The following SNTG2 variants were observed in gnomAD, a reference collection of about 807,000 sequenced individuals.
SNTG2 encodes the protein gamma-2-syntrophin.
A neutral mutation model predicts 70.9 loss-of-function variants in SNTG2; 74 were observed. The observed-to-expected ratio is 1.04, with a 90% confidence interval of 0.86 to 1.27. SNTG2 has a LOEUF of 1.27. Ranked by LOEUF, SNTG2 falls within the 50% of genes most tolerant of loss-of-function variation. SNTG2 has a pLI of 0.00. For missense variants in SNTG2, 717 were observed against 690.7 expected, an observed-to-expected ratio of 1.04 and a Z score of -0.43; for synonymous variants, 278 against 273.8, an observed-to-expected ratio of 1.02 and a Z score of -0.15.
chr2:1,167,493 A>G (rs1292132439), intron 7 of SNTG2, among the ~76,000 whole-genome samples: 6 of 124,414 alleles, frequency 4.8e-5, no homozygotes, highest in Admixed American at 1.6e-4. Context: ...GAAGCCTAGA[A>G]GCCGCCCACA....
intron 14 of SNTG2, among the ~76,000 whole-genome samples, chr2:1,297,500 C>T (rs1230351868): frequency 2.6e-5 from 4 of 152,146 alleles, no homozygotes; most frequent in Non-Finnish European, 4.4e-5. Context: ...CCCGGCGCCT[C>T]TGCAGCTCCT....
In SNTG2 at chr2:1,255,640, C is replaced by T. The variant is rs371697456; in HGVS notation, c.1006-3730C>T. 7.4e-4 allele frequency among the ~76,000 whole-genome samples: 113 copies of T among 151,824 alleles called. 1 individual carries two copies. The highest frequency in any genetic ancestry group is 4.3e-3 in the East Asian group (22 of 5,148). On this transcript the variant is annotated intron_variant, in intron 12 of 16. Coordinates refer to ENST00000308624, the MANE Select transcript of SNTG2 (RefSeq NM_018968.4). The stretch of plus-strand genomic sequence containing the variant: ...CGCAGGAATCTGCATCGGCAGGTGA[C>T]GCCTGGCCACACTCAGGCATGGCAC...
chr2:1,350,820 G>T (rs1054971354), intron 16 of SNTG2, among the ~76,000 whole-genome samples: 1 of 152,126 alleles, frequency 6.6e-6, no homozygotes, highest in African/African-American at 2.4e-5. Flanking sequence ...AGGCTATAAT[G>T]ACTAGCCTTA....
At chr2:1,236,314 A>T (rs1407319136) in intron 9 of SNTG2, among the ~76,000 whole-genome samples, 2 of 152,262 alleles carry the variant, frequency 1.3e-5, no homozygotes, top group Non-Finnish European at 2.9e-5. Context: ...AAATTAATTT[A>T]TTATAGCAGA....
At chr2:1,281,204 GT>G (rs1679497520) in intron 14 of SNTG2, among the ~76,000 whole-genome samples, 1 of 150,136 alleles carries the variant, frequency 6.7e-6, no homozygotes, top group African/African-American at 2.4e-5. Context: ...TGTATGTGGT[GT>G]GTGGTGTGTG....
intron 8 of SNTG2, among the ~76,000 whole-genome samples, chr2:1,189,782 C>T (rs1013597291): frequency 6.6e-5 from 10 of 152,044 alleles, no homozygotes; most frequent in Admixed American, 3.3e-4. Flanking sequence ...CTCTTGACCT[C>T]GTGATCCACC....
At chr2:1,294,038 C>A (rs1053037840) in intron 14 of SNTG2, among the ~76,000 whole-genome samples, 20 of 152,212 alleles carry the variant, frequency 1.3e-4, no homozygotes, top group African/African-American at 4.8e-4. Context: ...CCACCATAGC[C>A]TCTTAGCTGA....
At chr2:955,477 T>C (rs1660110609) in intron 1 of SNTG2, among the ~76,000 whole-genome samples, 1 of 152,254 alleles carries the variant, frequency 6.6e-6, no homozygotes, top group Admixed American at 6.5e-5. Flanking sequence ...AGACAAACTT[T>C]CTTCTTGTAC....
At chr2:1,239,679 A>C (rs978931739) in intron 10 of SNTG2, 59 bp from the exon 11 acceptor site, 1 of 1,581,400 alleles carries the variant, frequency 6.3e-7, no homozygotes, top group African/African-American at 1.3e-5. Context: ...GCTGTCACTC[A>C]GGTGAGCCAT....
intron 16 of SNTG2, among the ~76,000 whole-genome samples, chr2:1,355,693 A>C (rs934690669): frequency 2.6e-5 from 4 of 152,154 alleles, no homozygotes; most frequent in African/African-American, 7.2e-5. Context: ...TTTTCCTCGG[A>C]TGCATTCCTA....
chr2:1,135,116 G>A (rs963238901), intron 4 of SNTG2, among the ~76,000 whole-genome samples: 1 of 152,090 alleles, frequency 6.6e-6, no homozygotes, highest in Non-Finnish European at 1.5e-5. Context: ...GTCTGGAGGC[G>A]GCTTCTGACC....
intron 8 of SNTG2, among the ~76,000 whole-genome samples, chr2:1,193,884 A>C (rs1672746532): frequency 6.6e-6 from 1 of 152,210 alleles, no homozygotes; most frequent in Admixed American, 6.5e-5. Flanking sequence ...TGTTATTAAG[A>C]CCTTGATTTG....
chr2:1,231,215 T>C (rs1236823668), intron 9 of SNTG2, among the ~76,000 whole-genome samples: 6 of 151,698 alleles, frequency 4.0e-5, no homozygotes, highest in Admixed American at 2.6e-4. Context: ...ATCTGAAAGG[T>C]GACCTACTTA....
At chr2:1,237,306 T>C (rs1431126331) in intron 9 of SNTG2, among the ~76,000 whole-genome samples, 2 of 152,188 alleles carry the variant, frequency 1.3e-5, no homozygotes, top group Non-Finnish European at 2.9e-5. Context: ...CTTTTGCAAA[T>C]AGGCATATGT....
chr2:1,079,156 G>A (rs368428311), intron 1 of SNTG2, among the ~76,000 whole-genome samples: 10 of 152,184 alleles, frequency 6.6e-5, no homozygotes, highest in Non-Finnish European at 8.8e-5. Context: ...AGCGGAACCC[G>A]CGTCCCCTCT....
At chr2:1,245,033 A>T (rs888084937) in intron 11 of SNTG2, among the ~76,000 whole-genome samples, 3 of 149,768 alleles carry the variant, frequency 2.0e-5, no homozygotes, top group Non-Finnish European at 4.4e-5. Context: ...AAAAAACCAA[A>T]CACCGCATGT....
At chr2:1,242,556 T>C (rs1677119519) in intron 11 of SNTG2, among the ~76,000 whole-genome samples, 1 of 152,192 alleles carries the variant, frequency 6.6e-6, no homozygotes, top group Non-Finnish European at 1.5e-5. Context: ...CCAAGATAAC[T>C]GCAAACAAAC....
chr2:987,770 G>A (rs1661371690), intron 1 of SNTG2, among the ~76,000 whole-genome samples: 1 of 152,116 alleles, frequency 6.6e-6, no homozygotes, highest in African/African-American at 2.4e-5. Context: ...GGGTTGATGG[G>A]GCCTCCGCAG....
At chr2:1,349,689 T>A (rs187320355) in intron 16 of SNTG2, among the ~76,000 whole-genome samples, 12 of 152,334 alleles carry the variant, frequency 7.9e-5, no homozygotes, top group African/African-American at 2.6e-4. Flanking sequence ...ACAAAGGCAG[T>A]TTCAGTCTCT....
Sources: gnomAD v4.1 joint callset for allele counts (sites outside exome capture counted in the v4.1 genomes callset) on GRCh38, gnomAD v4.1.1 for gene constraint, MANE v1.5 for transcripts, NCBI Gene and HGNC (gene_info 2026-07-23, HGNC 2026-07-21) for gene names.